RGS7BP: variants seen among roughly 807,000 people sequenced by gnomAD.
RGS7BP encodes regulator of G protein signaling 7-binding protein.
In RGS7BP, 9 loss-of-function variants were observed where a neutral mutation model predicts 31.3. The ratio of observed to expected loss-of-function variants is 0.29; its 90% confidence interval spans 0.17 to 0.50. The LOEUF is 0.50. Among genes scored for constraint, RGS7BP ranks in the 20% least tolerant of loss-of-function variants. RGS7BP has a pLI of 0.98. For synonymous variants in RGS7BP, 115 were observed against 120.1 expected (o/e 0.96, Z 0.28); for missense variants, 274 against 322.0 (o/e 0.85, Z 1.14).
In RGS7BP at chr5:64,509,616, A is replaced by G. The variant is rs138932579; in HGVS notation, c.332+1739A>G. Reference sequence around the variant, plus strand: ...ACCCCGGCTGGTCTTAAACTTCTGCACTCAAGTAATCCTCCCGCCTCAGGC... The same window carrying G: ...ACCCCGGCTGGTCTTAAACTTCTGCGCTCAAGTAATCCTCCCGCCTCAGGC... On this transcript the variant is annotated intron_variant, in intron 2 of 5. Transcript: ENST00000334025. Among the ~76,000 whole-genome samples, 279 of 152,180 alleles carry G rather than the reference A, an allele frequency of 1.8e-3. 1 individual carries two copies. Among genetic ancestry groups the G allele is most frequent in the African/African-American group, 6.6e-3 (274 of 41,512 alleles).
chr5:64,549,127 G>T (rs1741729105), intron 2 of RGS7BP, among the ~76,000 whole-genome samples: 1 of 152,132 alleles, frequency 6.6e-6, no homozygotes, highest in African/African-American at 2.4e-5. Flanking sequence ...AATCAGATAT[G>T]AATGAGAGTT....
intron 2 of RGS7BP, among the ~76,000 whole-genome samples, chr5:64,524,231 T>C (rs961466708): frequency 3.3e-5 from 5 of 152,228 alleles, no homozygotes; most frequent in Non-Finnish European, 7.3e-5. Context: ...TTTTTCTGCT[T>C]ACAAGTGCGG....
intron 2 of RGS7BP, among the ~76,000 whole-genome samples, chr5:64,518,928 T>C (rs888679641): frequency 2.6e-5 from 4 of 152,048 alleles, no homozygotes; most frequent in Non-Finnish European, 5.9e-5. Flanking sequence ...TGGCCCTTCT[T>C]AAAAGAGTTT....
intron 2 of RGS7BP, among the ~76,000 whole-genome samples, chr5:64,560,557 A>G (rs1162147148): frequency 6.6e-6 from 1 of 150,906 alleles, no homozygotes; most frequent in Non-Finnish European, 1.5e-5. Context: ...ATATATATAT[A>G]TATATAATCT....
At chr5:64,520,565 C>T (rs1450322934) in intron 2 of RGS7BP, among the ~76,000 whole-genome samples, 3 of 152,190 alleles carry the variant, frequency 2.0e-5, no homozygotes, top group Non-Finnish European at 2.9e-5. Context: ...TTACTCACAT[C>T]GCTTCATTTG....
intron 2 of RGS7BP, among the ~76,000 whole-genome samples, chr5:64,520,147 G>A (rs868241367): frequency 6.6e-6 from 1 of 152,220 alleles, no homozygotes; most frequent in Non-Finnish European, 1.5e-5. Flanking sequence ...TGGTCAAGAT[G>A]TTTGGTGGAG....
chr5:64,587,090 G>A (rs1430654760), intron 3 of RGS7BP, among the ~76,000 whole-genome samples: 1 of 152,106 alleles, frequency 6.6e-6, no homozygotes, highest in Non-Finnish European at 1.5e-5. Context: ...TGGTCAGGGG[G>A]AAAACAAGGA....
chr5:64,609,963 G>A lies in RGS7BP; in HGVS notation c.*711G>A, dbSNP rs1484805338. ...ACTAATTTCTTTTTGATCCAATGAT[G>A]TCTTTTTCAGCTTCTTGGAGAATGA... On this transcript the variant is annotated 3_prime_UTR_variant, in exon 6 of 6. Coordinates refer to ENST00000334025, the MANE Select transcript of RGS7BP (RefSeq NM_001029875.3). The A allele has an allele frequency of 6.6e-6, 1 of 152,394 alleles. No homozygotes were observed. The highest frequency in any genetic ancestry group is 2.4e-5 in the African/African-American group (1 of 41,414). The allele number at this position is 152,394 out of a possible 1,614,324, so 9.4% of individuals were successfully genotyped here. A position where few individuals can be genotyped will look rare whatever the true frequency, so the allele number is the denominator to read the frequency against.
intron 2 of RGS7BP, among the ~76,000 whole-genome samples, chr5:64,562,088 T>C (rs914486048): frequency 1.3e-5 from 2 of 152,146 alleles, no homozygotes; most frequent in Non-Finnish European, 2.9e-5. Context: ...AAAATCAATT[T>C]GTGTTAGAGG....
At chr5:64,585,649 C>T (rs186706681) in intron 3 of RGS7BP, among the ~76,000 whole-genome samples, 388 of 152,222 alleles carry the variant, frequency 2.5e-3, no homozygotes, top group Non-Finnish European at 4.3e-3. Flanking sequence ...TTTTGTTTCT[C>T]GTGAATGACC....
intron 1 of RGS7BP, 143 bp from the exon 2 acceptor site, chr5:64,507,568 T>G (rs1748728616): frequency 1.5e-6 from 1 of 682,218 alleles, no homozygotes; most frequent in Non-Finnish European, 2.4e-6. Flanking sequence ...GCCTTCTGCT[T>G]TAAACAATTC....
chr5:64,586,941 G>T (rs539965651), intron 3 of RGS7BP, among the ~76,000 whole-genome samples: 1 of 152,292 alleles, frequency 6.6e-6, no homozygotes, highest in Admixed American at 6.5e-5. Flanking sequence ...TGTCAGGGTA[G>T]GGTAACTACT....
intron 2 of RGS7BP, among the ~76,000 whole-genome samples, chr5:64,532,394 T>G (rs1228604524): frequency 3.9e-5 from 6 of 152,102 alleles, no homozygotes; most frequent in African/African-American, 1.4e-4. Flanking sequence ...CAATGAGGCT[T>G]AATCTGCAAA....
intron 2 of RGS7BP, among the ~76,000 whole-genome samples, chr5:64,535,149 T>C (rs1749473701): frequency 6.6e-6 from 1 of 152,130 alleles, no homozygotes; most frequent in Non-Finnish European, 1.5e-5. Context: ...AACAGAAGTC[T>C]GGATTGGAGG....
At chr5:64,605,469 G>A (rs1390415543) in intron 5 of RGS7BP, among the ~76,000 whole-genome samples, 1 of 152,106 alleles carries the variant, frequency 6.6e-6, no homozygotes, top group Non-Finnish European at 1.5e-5. Context: ...CAGAGCTGCT[G>A]AGATAGGCTT....
At chr5:64,571,999 A>G (rs1561339111) in intron 2 of RGS7BP, among the ~76,000 whole-genome samples, 2 of 152,152 alleles carry the variant, frequency 1.3e-5, no homozygotes, top group Non-Finnish European at 2.9e-5. Flanking sequence ...TAACTCATAA[A>G]ACATATTTGA....
At chr5:64,559,774 T>C (rs1742009119) in intron 2 of RGS7BP, among the ~76,000 whole-genome samples, 1 of 152,150 alleles carries the variant, frequency 6.6e-6, no homozygotes, top group African/African-American at 2.4e-5. Flanking sequence ...CTTCCAATAG[T>C]TACATTTTAT....
intron 5 of RGS7BP, chr5:64,601,418 C>T: frequency 1.0e-6 from 1 of 981,116 alleles, no homozygotes; most frequent in African/African-American, 1.7e-5. Context: ...AAACTCGGCT[C>T]CACAATGGTT....
intron 2 of RGS7BP, among the ~76,000 whole-genome samples, chr5:64,518,182 T>G (rs1749021631): frequency 6.6e-6 from 1 of 152,152 alleles, no homozygotes; most frequent in Non-Finnish European, 1.5e-5. Context: ...ACCCATAATT[T>G]CCAAAATTAT....
Sources: gnomAD v4.1 joint callset for allele counts (sites outside exome capture counted in the v4.1 genomes callset) on GRCh38, gnomAD v4.1.1 for gene constraint, MANE v1.5 for transcripts, NCBI Gene and HGNC (gene_info 2026-07-23, HGNC 2026-07-21) for gene names.